The following SEC61A1 variants were observed in gnomAD, a reference collection of about 807,000 sequenced individuals.
SEC61A1 encodes protein transport protein Sec61 subunit alpha isoform 1.
A neutral mutation model predicts 55.2 loss-of-function variants in SEC61A1; 15 were observed. The observed-to-expected ratio is 0.27, with a 90% CI of 0.18 to 0.42. SEC61A1 has a LOEUF of 0.42. Ranked by LOEUF, SEC61A1 falls within the 10% of genes least tolerant of loss-of-function variation. SEC61A1 has a pLI of 1.00. For synonymous variants in SEC61A1, 247 were observed against 234.0 expected (o/e 1.06, Z -0.51); for missense variants, 284 against 602.6 (o/e 0.47, Z 5.53).
At chr3:128,056,350 C>A (rs776971573) in intron 4 of SEC61A1, among the ~76,000 whole-genome samples, 1 of 152,116 alleles carries the variant, frequency 6.6e-6, no homozygotes, top group Non-Finnish European at 1.5e-5. Context: ...GGCTCCTTTT[C>A]CAGACTCTGG....
chr3:128,060,465 G>T (rs1941835555), intron 6 of SEC61A1, 43 bp from the exon 7 acceptor site: 1 of 1,602,138 alleles, frequency 6.2e-7, no homozygotes, highest in Non-Finnish European at 8.5e-7. Context: ...CCATGTCCGT[G>T]GGGAGCAGTA....
intron 7 of SEC61A1, 30 bp from the exon 8 acceptor site, chr3:128,064,847 C>T: frequency 1.3e-6 from 2 of 1,549,278 alleles, no homozygotes; most frequent in African/African-American, 1.4e-5. Flanking sequence ...CTGTTCGTTC[C>T]TTCATATATG....
chr3:128,056,616 G>T, intron 4 of SEC61A1, 93 bp from the exon 5 acceptor site: 1 of 1,159,970 alleles, frequency 8.6e-7, no homozygotes, highest in Non-Finnish European at 1.2e-6. Flanking sequence ...TTTATATAAG[G>T]GGTACCCAGT....
intron 8 of SEC61A1, among the ~76,000 whole-genome samples, chr3:128,065,687 A>C (rs1008880635): frequency 6.7e-6 from 1 of 149,304 alleles, no homozygotes; most frequent in Non-Finnish European, 1.5e-5. Context: ...ATAAAAAGCT[A>C]TCTCTTTAGG....
intron 1 of SEC61A1, 128 bp downstream of exon 1, chr3:128,052,687 C>G (rs1941707036): frequency 6.6e-7 from 1 of 1,523,122 alleles, no homozygotes; most frequent in East Asian, 2.4e-5. Flanking sequence ...GTGCCCCCGG[C>G]CCTTCTCGAG....
chr3:128,052,047 G>A (rs1941682792), upstream of SEC61A1: 2 of 731,968 alleles, frequency 2.7e-6, no homozygotes, highest in Non-Finnish European at 4.6e-6. Context: ...AAAGAGCAGT[G>A]AGTGCTGTTA....
chr3:128,066,737 T>A, intron 8 of SEC61A1: 3 of 577,958 alleles, frequency 5.2e-6, no homozygotes, highest in Non-Finnish European at 9.2e-6. Flanking sequence ...AGTGTATTTT[T>A]AAACCAGCTT....
In SEC61A1 at chr3:128,069,587, A is replaced by G. The variant is rs1309482701; in HGVS notation, c.1356A>G (p.Thr452=). 6 of 1,613,988 alleles carry G rather than the reference A, an allele frequency of 3.7e-6. No individual in the cohort carries two copies. Among genetic ancestry groups the G allele is most frequent in the African/African-American group, 1.3e-5 (1 of 74,916 alleles). The change falls in exon 12 of 12, where the codon ACA becomes ACG. Residue 452 remains threonine, a synonymous_variant. Transcript: ENST00000243253. Reference sequence around the variant, plus strand: ...GAACCGGGATCCTGCTCGCAGTCACAATCATCTACCAGTACTTTGAGATCT... The same window carrying G: ...GAACCGGGATCCTGCTCGCAGTCACGATCATCTACCAGTACTTTGAGATCT... ...GSGTGILLAV[T]IIYQYFEIFV...
intron 8 of SEC61A1, among the ~76,000 whole-genome samples, chr3:128,065,806 G>C (rs537064339): frequency 7.6e-6 from 1 of 130,964 alleles, no homozygotes; most frequent in Non-Finnish European, 1.5e-5. Flanking sequence ...GCGCGATCTC[G>C]ACTCGACTCA....
chr3:128,069,726 A>C lies in SEC61A1; in HGVS notation c.*64A>C. On this transcript the variant is annotated 3_prime_UTR_variant, in exon 12 of 12. Coordinates refer to ENST00000243253, the MANE Select transcript of SEC61A1 (RefSeq NM_013336.4). ...GCGCCTCGGAAGGGGAGCTCTCATCATGGCGCGTGCTGCTGCGGCATATGG... is the reference window on the plus strand; with the variant it reads ...GCGCCTCGGAAGGGGAGCTCTCATCCTGGCGCGTGCTGCTGCGGCATATGG... 7.2e-7 allele frequency: 1 copy of C among 1,397,996 alleles called. No homozygotes were observed. The highest frequency in any genetic ancestry group is 1.2e-5 in the South Asian group (1 of 84,520). 86.6% of individuals were successfully genotyped at this position (1,397,996 alleles called of 1,614,324 possible). A position where few individuals can be genotyped will look rare whatever the true frequency, so the allele number is the denominator to read the frequency against.
In SEC61A1 at chr3:128,069,616, T is replaced by C; in HGVS notation, c.1385T>C (p.Val462Ala). The change falls in exon 12 of 12, where the codon GTT becomes GCT. Residue 462 changes from valine to alanine, a missense_variant. Coordinates refer to ENST00000243253, the MANE Select transcript of SEC61A1 (RefSeq NM_013336.4). Reference protein sequence around the residue: ...TIIYQYFEIFVKEQSEVGSMG... With the variant: ...TIIYQYFEIFAKEQSEVGSMG... Reference sequence around the variant, plus strand: ...ATCTACCAGTACTTTGAGATCTTCGTTAAGGAGCAAAGCGAGGTTGGCAGC... The same window carrying C: ...ATCTACCAGTACTTTGAGATCTTCGCTAAGGAGCAAAGCGAGGTTGGCAGC... 6.2e-7 allele frequency: 1 copy of C among 1,614,134 alleles called. No individual in the cohort carries two copies. Among genetic ancestry groups the C allele is most frequent in the Non-Finnish European group, 8.5e-7 (1 of 1,180,012 alleles).
intron 8 of SEC61A1, 62 bp downstream of exon 8, chr3:128,065,099 G>C: frequency 3.9e-6 from 6 of 1,534,080 alleles, no homozygotes; most frequent in Middle Eastern, 3.4e-4. Flanking sequence ...AGAATGCCTT[G>C]TGTGCAGTCC....
chr3:128,068,157 A>G, intron 11 of SEC61A1, 98 bp downstream of exon 11: 1 of 834,454 alleles, frequency 1.2e-6, no homozygotes, highest in South Asian at 1.4e-5. Flanking sequence ...TTACTGGGTC[A>G]CTAAATCTTA....
Position 128,069,671 on chromosome 3 carries a change from C to A in SEC61A1, c.*9C>A. On this transcript the variant is annotated 3_prime_UTR_variant, in exon 12 of 12. Coordinates refer to ENST00000243253, the MANE Select transcript of SEC61A1 (RefSeq NM_013336.4). ...GGGCCCTGCTCTTCTGAGCCCGTCT[C>A]CCGGACAGGTTGAGGAAGCTGCTCC... 1 of 1,613,366 alleles carries A rather than the reference C, an allele frequency of 6.2e-7. No homozygotes were observed. The highest frequency in any genetic ancestry group is 8.5e-7 in the Non-Finnish European group (1 of 1,179,538).
At chr3:128,058,894 C>T (rs1941814958) in intron 5 of SEC61A1, among the ~76,000 whole-genome samples, 1 of 152,162 alleles carries the variant, frequency 6.6e-6, no homozygotes, top group Non-Finnish European at 1.5e-5. Flanking sequence ...AAAGTACAAG[C>T]ACAAATTGGC....
intron 7 of SEC61A1, among the ~76,000 whole-genome samples, chr3:128,063,148 AG>A (rs1013788160): frequency 1.3e-5 from 2 of 151,852 alleles, no homozygotes; most frequent in Non-Finnish European, 2.9e-5. Context: ...TCCTTTTTGT[AG>A]GGTGTCTTCA....
Position 128,067,487 on chromosome 3 carries a change from C to T in SEC61A1, c.1042C>T (p.Pro348Ser), listed in dbSNP as rs1323315427. Residue 348 changes from proline to serine, a missense_variant, in exon 10 of 12, where the codon CCA (proline) becomes TCA (serine). Transcript: ENST00000243253. The surrounding 1 kb of genome is among the most constrained non-coding windows in gnomAD (Gnocchi z 4.1). ...TGGCCTTTGCTATTACCTGTCCCCTCCAGAATCTTTTGGCTCCGTGTTAGA... is the reference window on the plus strand; with the variant it reads ...TGGCCTTTGCTATTACCTGTCCCCTTCAGAATCTTTTGGCTCCGTGTTAGA... The part of the protein sequence containing the change: ...VGGLCYYLSP[P>S]ESFGSVLEDP... The T allele has an allele frequency of 6.2e-7, 1 of 1,614,206 alleles. No individual in the cohort carries two copies. Among genetic ancestry groups the T allele is most frequent in the Admixed American group, 1.7e-5 (1 of 60,020 alleles).
At chr3:128,060,289 C>A (rs1941833472) in intron 6 of SEC61A1, 78 bp downstream of exon 6, 3 of 1,179,200 alleles carry the variant, frequency 2.5e-6, no homozygotes, top group Admixed American at 1.8e-5. Flanking sequence ...ATCTCAAGCA[C>A]ACCTAAAAGG....
At chr3:128,068,493 TAG>T (rs1359412809) in intron 11 of SEC61A1, 1 of 168,292 alleles carries the variant, frequency 5.9e-6, no homozygotes, top group Admixed American at 5.8e-5. Flanking sequence ...GCATTAAGGC[TAG>T]AGAGGCTGGC....
Sources: allele counts gnomAD v4.1 joint callset (sites outside exome capture counted in the v4.1 genomes callset), GRCh38; gene constraint gnomAD v4.1.1; non-coding constraint Gnocchi (gnomAD v3.1); transcripts MANE v1.5; gene names NCBI Gene and HGNC (gene_info 2026-07-23, HGNC 2026-07-21).